SNX29: variants seen among roughly 807,000 people sequenced by gnomAD.
SNX29 encodes the protein sorting nexin 29, also known as sorting nexin-29.
A neutral mutation model predicts 102.1 loss-of-function variants in SNX29; 78 were observed. That is an observed-to-expected ratio of 0.76 (90% CI 0.64 to 0.92). The LOEUF (loss-of-function observed/expected upper bound fraction) is 0.92. Among genes scored for constraint, SNX29 ranks in the 40% least tolerant of loss-of-function variants. The probability of loss-of-function intolerance (pLI) is 0.00; values close to 1 mark genes in which losing one functional copy is unlikely to be tolerated. For synonymous variants in SNX29, 580 were observed against 414.5 expected (o/e 1.40, Z -4.85); for missense variants, 1,280 against 1,061.7 (o/e 1.21, Z -2.86).
rs147461671 is a variant in SNX29, at chr16:12,274,816, C to T, written c.1679-3117C>T. On this transcript the variant is annotated intron_variant, in intron 14 of 20. Coordinates refer to ENST00000566228, the MANE Select transcript of SNX29 (RefSeq NM_032167.5). ...ATTTTGCTACCCTTTCCTTTACAGT[C>T]CCTGTTCTATTTCTGCTGTTATAGT... Among the ~76,000 whole-genome samples, 223 of 152,230 alleles carry T rather than the reference C, an allele frequency of 1.5e-3. 2 individuals are homozygous for T. Among genetic ancestry groups the T allele is most frequent in the African/African-American group, 5.1e-3 (210 of 41,532 alleles).
At chr16:12,346,309 G>A (rs1439741266) in intron 15 of SNX29, among the ~76,000 whole-genome samples, 3 of 152,094 alleles carry the variant, frequency 2.0e-5, no homozygotes, top group Non-Finnish European at 4.4e-5. Flanking sequence ...CCTCTTTAAT[G>A]GATAATCATG....
intron 1 of SNX29, among the ~76,000 whole-genome samples, chr16:11,980,969 T>C (rs76664725): frequency 1.6e-5 from 2 of 127,074 alleles, no homozygotes; most frequent in Non-Finnish European, 1.7e-5. Context: ...CATTTTCTTT[T>C]TTTTTTTTTG....
In SNX29 at chr16:12,568,840, C is replaced by G; in HGVS notation, c.*211C>G. ...GACCCGAGAGACCAAGGCAGCACCT[C>G]GCTGGAGAGACTGGGACACACAGTC... On this transcript the variant is annotated 3_prime_UTR_variant, in exon 21 of 21. Coordinates refer to ENST00000566228, the MANE Select transcript of SNX29 (RefSeq NM_032167.5). The G allele has an allele frequency of 4.1e-6, 3 of 726,332 alleles. No homozygotes were observed. Among genetic ancestry groups the G allele is most frequent in the South Asian group, 3.9e-5 (2 of 51,238 alleles). 45.0% of individuals were successfully genotyped at this position (726,332 alleles called of 1,614,324 possible).
At chr16:12,187,546 TA>T (rs759490798) in intron 13 of SNX29, among the ~76,000 whole-genome samples, 2,546 of 141,680 alleles carry the variant, frequency 0.018, 24 homozygotes, top group Non-Finnish European at 0.026. Context: ...AGACTCTGTT[TA>T]AAAAAAAAAA....
chr16:12,137,516 T>G, intron 13 of SNX29, among the ~76,000 whole-genome samples: 1 of 152,186 alleles, frequency 6.6e-6, no homozygotes, highest in East Asian at 1.9e-4. Flanking sequence ...CATGTGAGAT[T>G]GAGAACTGTA....
At chr16:12,135,701 C>A in intron 13 of SNX29, 1 of 1,023,656 alleles carries the variant, frequency 9.8e-7, no homozygotes, top group Non-Finnish European at 1.3e-6. Context: ...CTGGACTTTT[C>A]ATGTATGTGA....
intron 15 of SNX29, among the ~76,000 whole-genome samples, chr16:12,329,147 C>T (rs749248766): frequency 4.0e-5 from 6 of 151,622 alleles, no homozygotes; most frequent in Non-Finnish European, 5.9e-5. Context: ...CATGGTGGTG[C>T]GTACCTGTGG....
intron 20 of SNX29, among the ~76,000 whole-genome samples, chr16:12,566,935 T>C (rs1345811397): frequency 2.6e-5 from 4 of 152,238 alleles, no homozygotes; most frequent in African/African-American, 9.6e-5. Context: ...TGTTAGCTTA[T>C]CAGGGTGTCA....
At chr16:12,533,006 C>T (rs892770711) in intron 20 of SNX29, among the ~76,000 whole-genome samples, 1 of 152,224 alleles carries the variant, frequency 6.6e-6, no homozygotes. Context: ...AGCCCCTCGT[C>T]TGTGGGGAGA....
intron 13 of SNX29, among the ~76,000 whole-genome samples, chr16:12,156,284 C>T (rs2055546784): frequency 6.6e-6 from 1 of 152,360 alleles, no homozygotes; most frequent in South Asian, 2.1e-4. Context: ...AGCGATTCTC[C>T]TGCCTCAGTC....
chr16:12,458,797 C>G (rs79831092), intron 18 of SNX29, among the ~76,000 whole-genome samples: 2,900 of 152,270 alleles, frequency 0.019, 101 homozygotes, highest in African/African-American at 0.066. Flanking sequence ...CAGAGGCAGG[C>G]TCTGGCCACA....
chr16:11,986,401 C>G (rs1211815175), intron 1 of SNX29, among the ~76,000 whole-genome samples: 1 of 149,700 alleles, frequency 6.7e-6, no homozygotes, highest in South Asian at 2.1e-4. Flanking sequence ...AGCGAAAACC[C>G]AAAATGACAT....
chr16:12,225,646 A>G lies in SNX29; in HGVS notation c.1678+25963A>G, dbSNP rs560900752. ...ATCAGCATTGTGAAAACGGACTAAT[A>G]CAGCATCCAGGTCAGCCCAGGTACA... is the stretch of plus-strand genomic sequence containing the variant. On this transcript the variant is annotated intron_variant, in intron 14 of 20. Coordinates refer to ENST00000566228, the MANE Select transcript of SNX29 (RefSeq NM_032167.5). Among the ~76,000 whole-genome samples, 184 of 152,330 alleles carry G rather than the reference A, an allele frequency of 1.2e-3. 1 individual carries two copies. Among genetic ancestry groups the G allele is most frequent in the African/African-American group, 4.1e-3 (169 of 41,562 alleles).
At position 12,387,201 on chromosome 16, in the gene SNX29, C is replaced by G. The variant is rs1174169591; in HGVS notation, c.1900-11245C>G. ...ATCCAAAGAAACCAAGTTAGCGGTT[C>G]CATTCCTGCTGCTTCTGCACTGATT... On this transcript the variant is annotated intron_variant, in intron 16 of 20. Transcript: ENST00000566228. Among the ~76,000 whole-genome samples, 3 of 152,128 alleles carry G rather than the reference C, an allele frequency of 2.0e-5. No homozygotes were observed. The East Asian group carries it at 5.8e-4, about 29-fold the overall frequency.
chr16:12,337,800 G>A (rs1241798977), intron 15 of SNX29, among the ~76,000 whole-genome samples: 2 of 152,206 alleles, frequency 1.3e-5, no homozygotes, highest in Non-Finnish European at 2.9e-5. Flanking sequence ...AGATTTTGCT[G>A]CCATTGTCAG....
intron 19 of SNX29, among the ~76,000 whole-genome samples, chr16:12,497,345 C>G (rs1378370709): frequency 6.6e-6 from 1 of 152,198 alleles, no homozygotes; most frequent in Non-Finnish European, 1.5e-5. Context: ...GAATAAGATA[C>G]ATTTCCTGCC....
chr16:12,131,425 T>C (rs2054463519), intron 13 of SNX29, among the ~76,000 whole-genome samples: 1 of 152,220 alleles, frequency 6.6e-6, no homozygotes. Flanking sequence ...TCTATGCCTG[T>C]GATTGTTTAG....
intron 18 of SNX29, among the ~76,000 whole-genome samples, chr16:12,440,504 G>A (rs113340225): frequency 0.019 from 2,835 of 152,212 alleles, 95 homozygotes; most frequent in African/African-American, 0.065. Flanking sequence ...GTGAACTTGT[G>A]CCATGGGGGT....
At chr16:12,376,990 G>T (rs2082898752) in intron 16 of SNX29, among the ~76,000 whole-genome samples, 1 of 152,062 alleles carries the variant, frequency 6.6e-6, no homozygotes, top group Non-Finnish European at 1.5e-5. Context: ...GGTTTTTCTG[G>T]TTCTGGGGTT....
Sources: allele counts gnomAD v4.1 joint callset (sites outside exome capture counted in the v4.1 genomes callset), GRCh38; gene constraint gnomAD v4.1.1; transcripts MANE v1.5; gene names NCBI Gene and HGNC (gene_info 2026-07-23, HGNC 2026-07-21).